The following ATG10 variants were observed in gnomAD, a reference collection of about 807,000 sequenced individuals.
ATG10 encodes the protein ubiquitin-like-conjugating enzyme ATG10.
ATG10 carries 30 observed loss-of-function variants against 32.1 expected under a neutral mutation model. The observed-to-expected ratio is 0.94, with a 90% CI of 0.70 to 1.27. ATG10 has a LOEUF of 1.27. Among genes scored for constraint, ATG10 ranks in the 50% most tolerant of loss-of-function variants. The pLI is 0.00. For missense variants in ATG10, 233 were observed against 262.3 expected, an observed-to-expected ratio of 0.89 and a Z score of 0.77; for synonymous variants, 87 against 91.5, an observed-to-expected ratio of 0.95 and a Z score of 0.28.
At chr5:82,070,759 C>A (rs1764104904) in intron 3 of ATG10, among the ~76,000 whole-genome samples, 1 of 152,082 alleles carries the variant, frequency 6.6e-6, no homozygotes, top group Non-Finnish European at 1.5e-5. Context: ...TTTACAATCC[C>A]CTCTGTCTTC....
chr5:82,217,719 A>G (rs1745744113), intron 5 of ATG10, among the ~76,000 whole-genome samples: 1 of 151,322 alleles, frequency 6.6e-6, no homozygotes, highest in African/African-American at 2.4e-5. Context: ...TCACACCTGT[A>G]CCCAGCACTT....
chr5:81,977,279 T>C (rs1760898336), intron 1 of ATG10, among the ~76,000 whole-genome samples: 1 of 152,240 alleles, frequency 6.6e-6, no homozygotes. Flanking sequence ...GCTGAGGCCC[T>C]AGAGTTAAAT....
intron 3 of ATG10, among the ~76,000 whole-genome samples, chr5:82,076,019 C>T (rs1356233647): frequency 6.6e-6 from 1 of 152,172 alleles, no homozygotes; most frequent in African/African-American, 2.4e-5. Flanking sequence ...GCTAGGCTCT[C>T]TGATTATACT....
intron 4 of ATG10, among the ~76,000 whole-genome samples, chr5:82,173,852 A>G (rs1743902794): frequency 6.6e-6 from 1 of 152,188 alleles, no homozygotes; most frequent in Non-Finnish European, 1.5e-5. Flanking sequence ...CTTTGAATTG[A>G]ACATGCAGGC....
chr5:82,175,746 T>G (rs564029167), intron 4 of ATG10, among the ~76,000 whole-genome samples: 1 of 152,312 alleles, frequency 6.6e-6, no homozygotes, highest in South Asian at 2.1e-4. Context: ...CTCACTAAAG[T>G]CTAAAATTGC....
chr5:82,015,763 TG>T (rs1316360742), intron 2 of ATG10, among the ~76,000 whole-genome samples: 1 of 152,250 alleles, frequency 6.6e-6, no homozygotes, highest in Non-Finnish European at 1.5e-5. Context: ...TTCTTTGTGA[TG>T]GGTTCGAACT....
chr5:82,160,572 T>C (rs1490504258), intron 3 of ATG10, among the ~76,000 whole-genome samples: 3 of 152,192 alleles, frequency 2.0e-5, no homozygotes, highest in African/African-American at 7.2e-5. Context: ...TGAGAAACTG[T>C]CATATGGTTT....
At chr5:82,193,572 G>T (rs1003425710) in intron 5 of ATG10, among the ~76,000 whole-genome samples, 1 of 152,146 alleles carries the variant, frequency 6.6e-6, no homozygotes, top group East Asian at 1.9e-4. Flanking sequence ...AATCCATGTA[G>T]AGGTTTTTAC....
chr5:82,096,691 A>G (rs1033560879), intron 3 of ATG10, among the ~76,000 whole-genome samples: 1 of 152,166 alleles, frequency 6.6e-6, no homozygotes, highest in African/African-American at 2.4e-5. Flanking sequence ...CATCCTGGTG[A>G]GAAGTGTGAG....
intron 3 of ATG10, among the ~76,000 whole-genome samples, chr5:82,118,401 T>TATATATATATATATATATATATATATA (rs1765911817): frequency 1.1e-5 from 1 of 94,878 alleles, no homozygotes; most frequent in African/African-American, 3.1e-5. Flanking sequence ...TATATATATA[T>TATATATATATATATATATATATATATA]ATATGTATGT....
intron 3 of ATG10, among the ~76,000 whole-genome samples, chr5:82,161,775 T>A (rs970288507): frequency 2.7e-5 from 4 of 148,442 alleles, no homozygotes; most frequent in African/African-American, 1.0e-4. Context: ...AAAGATGAAC[T>A]ATTGAAATCA....
intron 2 of ATG10, among the ~76,000 whole-genome samples, chr5:82,026,067 C>T (rs559709042): frequency 3.3e-5 from 5 of 152,238 alleles, no homozygotes; most frequent in African/African-American, 1.2e-4. Flanking sequence ...GCTATGTAAC[C>T]ATCAGCACCA....
intron 3 of ATG10, among the ~76,000 whole-genome samples, chr5:82,136,047 T>C (rs567638554): frequency 6.6e-6 from 1 of 152,132 alleles, no homozygotes; most frequent in African/African-American, 2.4e-5. Flanking sequence ...CAACCCCTGA[T>C]TTTTTGTTTT....
At chr5:82,193,834 A>T (rs1302208144) in intron 5 of ATG10, among the ~76,000 whole-genome samples, 3 of 152,184 alleles carry the variant, frequency 2.0e-5, no homozygotes, top group African/African-American at 4.8e-5. Context: ...CCTTTATCGG[A>T]TGATAAAGAA....
intron 3 of ATG10, among the ~76,000 whole-genome samples, chr5:82,071,148 A>G (rs372937753): frequency 1.3e-5 from 2 of 152,136 alleles, no homozygotes; most frequent in African/African-American, 4.8e-5. Context: ...AGGTCAACCT[A>G]TGTAAATCAA....
Position 82,014,870 on chromosome 5 carries a change from A to C in ATG10, c.108+27192A>C, listed in dbSNP as rs184091299. On this transcript the variant is annotated intron_variant, in intron 2 of 7. Transcript: ENST00000282185. ...TATGTGTGAATTTGATCCTGTCATT[A>C]TGATGTTAGCTGGTGATTTTGCTCG... 4.6e-5 allele frequency among the ~76,000 whole-genome samples: 7 copies of C among 152,274 alleles called. No individual in the cohort carries two copies. The South Asian group carries it at 1.5e-3, about 32-fold the overall frequency.
intron 3 of ATG10, among the ~76,000 whole-genome samples, chr5:82,127,835 T>G (rs1361753636): frequency 6.6e-6 from 1 of 152,128 alleles, no homozygotes; most frequent in African/African-American, 2.4e-5. Context: ...CTGAATATCC[T>G]TGCTAATTTT....
chr5:82,053,470 C>CA (rs1164559229), intron 2 of ATG10, among the ~76,000 whole-genome samples: 19 of 688 alleles, frequency 0.028, no homozygotes, highest in Middle Eastern at 0.5. Flanking sequence ...GTTAAGAATT[C>CA]GTTGCATGCC....
intron 2 of ATG10, among the ~76,000 whole-genome samples, chr5:82,018,017 A>G (rs1326654585): frequency 6.6e-6 from 1 of 152,096 alleles, no homozygotes; most frequent in Non-Finnish European, 1.5e-5. Flanking sequence ...AATTCCATCC[A>G]AATGCTAATT....
Sources: gnomAD v4.1 joint callset for allele counts (sites outside exome capture counted in the v4.1 genomes callset) on GRCh38, gnomAD v4.1.1 for gene constraint, MANE v1.5 for transcripts, NCBI Gene and HGNC (gene_info 2026-07-23, HGNC 2026-07-21) for gene names.